The following ITPR2 variants were observed in gnomAD, a reference collection of about 807,000 sequenced individuals.
ITPR2 encodes the protein inositol 1,4,5-trisphosphate-gated calcium channel ITPR2.
In ITPR2, 207 loss-of-function variants were observed where a neutral mutation model predicts 317.1. The ratio of observed to expected loss-of-function variants is 0.65; its 90% CI spans 0.58 to 0.73. ITPR2 has a LOEUF of 0.73. Among genes scored for constraint, ITPR2 ranks in the 30% least tolerant of loss-of-function variants. The pLI is 0.00. For missense variants in ITPR2, 2,613 were observed against 3,284.0 expected (o/e 0.80, Z 4.99); for synonymous variants, 1,156 against 1,149.1 (o/e 1.01, Z -0.12).
chr12:26,832,076 A>C (rs1951120380), intron 1 of ITPR2, among the ~76,000 whole-genome samples: 3 of 152,120 alleles, frequency 2.0e-5, no homozygotes, highest in Admixed American at 2.0e-4. Context: ...AGAGACGTCC[A>C]AGGGCCACAG....
Position 26,418,992 on chromosome 12 carries a change from A to C in ITPR2, c.7110+57T>G, listed in dbSNP as rs1051985170. ...AAAAAATCAAAGGAAGAGGCATAAG[A>C]AGCAGCAGCATTGTGTACTTTTTCA... On this transcript the variant is annotated intron_variant, in intron 50 of 56. Transcript: ENST00000381340. The C allele has an allele frequency of 1.6e-5, 23 of 1,427,582 alleles. No homozygotes were observed. The African/African-American group carries it at 2.9e-4, about 18-fold the overall frequency. 88.4% of individuals were successfully genotyped at this position (1,427,582 alleles called of 1,614,324 possible).
At chr12:26,429,436 A>G (rs894959198) in intron 48 of ITPR2, among the ~76,000 whole-genome samples, 1 of 152,190 alleles carries the variant, frequency 6.6e-6, no homozygotes, top group African/African-American at 2.4e-5. Context: ...TCCTCTGGCA[A>G]TGCTAACATA....
Position 26,356,190 on chromosome 12 carries a change from C to T in ITPR2, c.7858-15862G>A, listed in dbSNP as rs576707175. Among the ~76,000 whole-genome samples, 11 of 152,280 alleles carry T rather than the reference C, an allele frequency of 7.2e-5. No homozygotes were observed. The East Asian group carries it at 1.9e-3, about 27-fold the overall frequency. ...GGACCCAGTACAGGGTGGTGCACAG[C>T]TGGAAAGGCATTTCACTGTCACCAC... On this transcript the variant is annotated intron_variant, in intron 55 of 56. Coordinates refer to ENST00000381340, the MANE Select transcript of ITPR2 (RefSeq NM_002223.4).
intron 9 of ITPR2, among the ~76,000 whole-genome samples, chr12:26,697,502 A>C (rs1948372821): frequency 6.6e-6 from 1 of 152,202 alleles, no homozygotes; most frequent in African/African-American, 2.4e-5. Flanking sequence ...TAAAGAGCTA[A>C]AATGATAGTA....
chr12:26,471,820 T>C (rs1942296834), intron 45 of ITPR2, among the ~76,000 whole-genome samples: 1 of 152,236 alleles, frequency 6.6e-6, no homozygotes, highest in Non-Finnish European at 1.5e-5. Flanking sequence ...AGGAGCCCAG[T>C]GACTGCATAT....
At chr12:26,559,673 C>T (rs536723965) in intron 35 of ITPR2, among the ~76,000 whole-genome samples, 10 of 152,230 alleles carry the variant, frequency 6.6e-5, no homozygotes, top group African/African-American at 1.9e-4. Flanking sequence ...CATGATTTGG[C>T]CCCTTATCTC....
At chr12:26,512,998 T>G (rs1421820237) in intron 37 of ITPR2, among the ~76,000 whole-genome samples, 1 of 151,802 alleles carries the variant, frequency 6.6e-6, no homozygotes, top group Non-Finnish European at 1.5e-5. Flanking sequence ...GGATTACAGG[T>G]GCCCGGGTAA....
At chr12:26,413,955 A>G (rs1940634329) in intron 51 of ITPR2, among the ~76,000 whole-genome samples, 1 of 151,912 alleles carries the variant, frequency 6.6e-6, no homozygotes, top group South Asian at 2.1e-4. Flanking sequence ...CTTTAGACTC[A>G]ATCTGTACTG....
At chr12:26,434,031 G>T (rs1315859093) in intron 48 of ITPR2, among the ~76,000 whole-genome samples, 1 of 152,092 alleles carries the variant, frequency 6.6e-6, no homozygotes, top group African/African-American at 2.4e-5. Context: ...ATAATATCAT[G>T]CTTATTATAG....
At chr12:26,779,746 C>T (rs1274149673) in intron 2 of ITPR2, among the ~76,000 whole-genome samples, 3 of 152,204 alleles carry the variant, frequency 2.0e-5, no homozygotes, top group Non-Finnish European at 2.9e-5. Context: ...GGCAGAACTT[C>T]AAGCAGTGCA....
intron 32 of ITPR2, among the ~76,000 whole-genome samples, chr12:26,593,704 T>G (rs1277739151): frequency 6.6e-6 from 1 of 151,038 alleles, no homozygotes; most frequent in Non-Finnish European, 1.5e-5. Flanking sequence ...AATTATCCAA[T>G]TAAGCAATAG....
At chr12:26,461,204 A>G (rs919580885) in intron 45 of ITPR2, among the ~76,000 whole-genome samples, 7 of 152,196 alleles carry the variant, frequency 4.6e-5, no homozygotes, top group African/African-American at 1.7e-4. Flanking sequence ...TTACACTCAC[A>G]TACAAAGTGA....
intron 10 of ITPR2, among the ~76,000 whole-genome samples, chr12:26,693,274 C>A (rs1948273482): frequency 6.6e-6 from 1 of 152,132 alleles, no homozygotes; most frequent in Non-Finnish European, 1.5e-5. Flanking sequence ...CTTTAGAGGT[C>A]AATGAAGAAG....
intron 23 of ITPR2, 38 bp from the exon 24 acceptor site, chr12:26,624,394 T>A: frequency 2.8e-6 from 4 of 1,420,114 alleles, no homozygotes; most frequent in Non-Finnish European, 2.9e-6. Context: ...CTTTATCCTA[T>A]TTTAATTAGG....
chr12:26,690,927 T>C (rs980077824), intron 10 of ITPR2, among the ~76,000 whole-genome samples: 6 of 152,260 alleles, frequency 3.9e-5, no homozygotes, highest in African/African-American at 1.4e-4. Flanking sequence ...ACTTAGGTTC[T>C]TGGAAAATAG....
At position 26,427,557 on chromosome 12, in the gene ITPR2, C is replaced by T. The variant is rs143065120; in HGVS notation, c.6945+356G>A. Among the ~76,000 whole-genome samples, 416 of 152,046 alleles carry T rather than the reference C, an allele frequency of 2.7e-3. 1 individual carries two copies. The highest frequency in any genetic ancestry group is 9.5e-3 in the African/African-American group (396 of 41,500). Reference sequence around the variant, plus strand: ...AAAATTCTATTGAACATAATTTAATCTTTTTTGGATGATTTACGATGTCAC... The same window carrying T: ...AAAATTCTATTGAACATAATTTAATTTTTTTTGGATGATTTACGATGTCAC... On this transcript the variant is annotated intron_variant, in intron 49 of 56. Coordinates refer to ENST00000381340, the MANE Select transcript of ITPR2 (RefSeq NM_002223.4).
intron 5 of ITPR2, chr12:26,721,411 A>C: frequency 2.0e-6 from 1 of 495,392 alleles, no homozygotes; most frequent in Non-Finnish European, 3.7e-6. Context: ...CATTCCTAAG[A>C]CAAGAAATAT....
chr12:26,587,141 A>G (rs1302400204), intron 32 of ITPR2, among the ~76,000 whole-genome samples: 1 of 150,658 alleles, frequency 6.6e-6, no homozygotes, highest in Non-Finnish European at 1.5e-5. Context: ...AAATATTTTT[A>G]GCTTCATATG....
intron 8 of ITPR2, among the ~76,000 whole-genome samples, chr12:26,713,223 A>G (rs536142828): frequency 6.6e-6 from 1 of 151,876 alleles, no homozygotes; most frequent in East Asian, 1.9e-4. Flanking sequence ...CATGTCCCCC[A>G]CTCCACATTT....
Sources: gnomAD v4.1 joint callset for allele counts (sites outside exome capture counted in the v4.1 genomes callset) on GRCh38, gnomAD v4.1.1 for gene constraint, MANE v1.5 for transcripts, NCBI Gene and HGNC (gene_info 2026-07-23, HGNC 2026-07-21) for gene names.